Variants in COL22A1 observed in about 807,000 individuals in gnomAD.
The protein encoded by COL22A1 is collagen alpha-1(XXII) chain.
Under a neutral mutation model 248.9 loss-of-function variants are expected in COL22A1, and 221 were observed. The ratio of observed to expected loss-of-function variants is 0.89; its 90% CI spans 0.80 to 0.99. The LOEUF is 0.99. Among genes scored for constraint, COL22A1 ranks in the 50% least tolerant of loss-of-function variants. The pLI is 0.00. For synonymous variants in COL22A1, 891 were observed against 793.4 expected, an observed-to-expected ratio of 1.12 and a Z score of -2.07; for missense variants, 2,240 against 2,179.0, an observed-to-expected ratio of 1.03 and a Z score of -0.56.
At chr8:138,799,628 C>A (rs1350188682) in intron 11 of COL22A1, among the ~76,000 whole-genome samples, 2 of 152,164 alleles carry the variant, frequency 1.3e-5, no homozygotes, top group Non-Finnish European at 2.9e-5. Flanking sequence ...TAACAAGACT[C>A]GTTTTGAAAG....
At chr8:138,737,092 G>A (rs983811494) in intron 23 of COL22A1, among the ~76,000 whole-genome samples, 1 of 152,122 alleles carries the variant, frequency 6.6e-6, no homozygotes, top group Non-Finnish European at 1.5e-5. Context: ...GCTGCGCTGC[G>A]GCCCACCAGG....
At chr8:138,700,503 T>C (rs879391221) in intron 31 of COL22A1, among the ~76,000 whole-genome samples, 2 of 152,198 alleles carry the variant, frequency 1.3e-5, no homozygotes, top group African/African-American at 2.4e-5. Flanking sequence ...ACTGGATTCA[T>C]GTCACAATGT....
intron 11 of COL22A1, among the ~76,000 whole-genome samples, chr8:138,798,130 A>T (rs747231714): frequency 3.3e-5 from 5 of 150,588 alleles, no homozygotes; most frequent in South Asian, 2.1e-4. Flanking sequence ...TATTTGTACA[A>T]CAAATTTGTT....
At chr8:138,633,133 A>G (rs1168923820) in intron 49 of COL22A1, among the ~76,000 whole-genome samples, 3 of 152,246 alleles carry the variant, frequency 2.0e-5, no homozygotes, top group Admixed American at 2.0e-4. Context: ...AACAATGCAT[A>G]CATGACCAGA....
At chr8:138,712,930 C>G (rs555294502) in intron 30 of COL22A1, among the ~76,000 whole-genome samples, 3 of 152,018 alleles carry the variant, frequency 2.0e-5, no homozygotes, top group African/African-American at 7.3e-5. Flanking sequence ...GCAGAGGGTA[C>G]GTGTTCTATC....
At chr8:138,727,777 G>A (rs945486221) in intron 23 of COL22A1, among the ~76,000 whole-genome samples, 3 of 152,180 alleles carry the variant, frequency 2.0e-5, no homozygotes, top group Non-Finnish European at 4.4e-5. Context: ...TTTGTTCACA[G>A]CTGGAGCAAC....
At position 138,804,980 on chromosome 8, in the gene COL22A1, GGTGT is replaced by G. The variant is rs1340993364; in HGVS notation, c.1495-2050_1495-2047del. Among the ~76,000 whole-genome samples, 2 of 142,414 alleles carry G rather than the reference GGTGT, an allele frequency of 1.4e-5. 1 individual carries two copies. Among genetic ancestry groups the G allele is most frequent in the Non-Finnish European group, 3.1e-5 (2 of 65,028 alleles). 93.4% of individuals were successfully genotyped at this position (142,414 alleles called of 152,430 possible). On this transcript the variant is annotated intron_variant, in intron 10 of 64. Transcript: ENST00000303045. ...GATGGTGTAGGTAATGGTATGTGGT[GGTGT>G]GTGTGTGATGGTGTAGGCAATGGTG...
chr8:138,641,497 T>C (rs1385502606), intron 47 of COL22A1, among the ~76,000 whole-genome samples: 1 of 152,220 alleles, frequency 6.6e-6, no homozygotes, highest in Non-Finnish European at 1.5e-5. Context: ...GTGGTTACCA[T>C]CTTGTTGCTT....
intron 24 of COL22A1, 116 bp downstream of exon 24, chr8:138,725,271 T>C: frequency 9.3e-7 from 1 of 1,073,466 alleles, no homozygotes; most frequent in Non-Finnish European, 1.5e-6. Context: ...TGTGTGTTTT[T>C]GCACTGGACT....
chr8:138,704,813 C>T (rs920924822), intron 30 of COL22A1, among the ~76,000 whole-genome samples: 3 of 152,158 alleles, frequency 2.0e-5, no homozygotes, highest in African/African-American at 4.8e-5. Context: ...TTCAGACGAT[C>T]GGTAATAACA....
chr8:138,597,082 G>A (rs1031160751), intron 61 of COL22A1, 112 bp from the exon 62 acceptor site: 3 of 774,944 alleles, frequency 3.9e-6, no homozygotes, highest in Non-Finnish European at 6.7e-6. Context: ...CCCACACAGG[G>A]AAGCACATGT....
At chr8:138,859,675 T>C (rs1291582775) in intron 3 of COL22A1, among the ~76,000 whole-genome samples, 3 of 152,074 alleles carry the variant, frequency 2.0e-5, no homozygotes, top group Non-Finnish European at 4.4e-5. Flanking sequence ...CCCACACACT[T>C]ACTCTCCTCC....
chr8:138,743,864 A>C (rs891070160), intron 22 of COL22A1, among the ~76,000 whole-genome samples: 1 of 152,144 alleles, frequency 6.6e-6, no homozygotes, highest in African/African-American at 2.4e-5. Context: ...GAAGCCTATA[A>C]ATTCAGAACA....
rs185903286 is a variant in COL22A1, at chr8:138,860,292, C to T, written c.659-16134G>A. 3.3e-5 allele frequency among the ~76,000 whole-genome samples: 5 copies of T among 152,260 alleles called. No individual in the cohort carries two copies. The East Asian group carries it at 9.7e-4, about 29-fold the overall frequency. On this transcript the variant is annotated intron_variant, in intron 3 of 64. Transcript: ENST00000303045. The stretch of plus-strand genomic sequence containing the variant: ...TAAGAGGTGTCCACATGTGTATCCC[C>T]TCTGTGGCAGAGTCAGGACTGGGCT...
intron 9 of COL22A1, among the ~76,000 whole-genome samples, chr8:138,809,575 C>T (rs1818029619): frequency 7.1e-6 from 1 of 140,170 alleles, no homozygotes; most frequent in Non-Finnish European, 1.5e-5. Flanking sequence ...GGCTGGAGTG[C>T]AATAGCACGA....
intron 16 of COL22A1, among the ~76,000 whole-genome samples, chr8:138,770,748 G>C (rs1376605767): frequency 6.6e-6 from 1 of 152,208 alleles, no homozygotes; most frequent in African/African-American, 2.4e-5. Context: ...TTCCTTGGCA[G>C]GTGGGTAAAC....
chr8:138,685,426 A>T, intron 37 of COL22A1, 114 bp from the exon 38 acceptor site: 1 of 788,560 alleles, frequency 1.3e-6, no homozygotes. Flanking sequence ...TTATGATTTT[A>T]GAAGGCCCAT....
At chr8:138,855,391 C>A (rs1249807073) in intron 3 of COL22A1, among the ~76,000 whole-genome samples, 2 of 152,182 alleles carry the variant, frequency 1.3e-5, no homozygotes, top group Non-Finnish European at 2.9e-5. Context: ...AGCATTTGAT[C>A]CCAAGTGGCA....
At chr8:138,792,214 C>A (rs765511582) in intron 12 of COL22A1, among the ~76,000 whole-genome samples, 1 of 152,176 alleles carries the variant, frequency 6.6e-6, no homozygotes, top group Non-Finnish European at 1.5e-5. Context: ...TCTTCAGGAC[C>A]CAACACTGTC....
Sources: allele counts gnomAD v4.1 joint callset (sites outside exome capture counted in the v4.1 genomes callset), GRCh38; gene constraint gnomAD v4.1.1; transcripts MANE v1.5; gene names NCBI Gene and HGNC (gene_info 2026-07-23, HGNC 2026-07-21).